PGAP2: variants seen among roughly 807,000 people sequenced by gnomAD.
PGAP2 encodes acyltransferase PGAP2.
PGAP2 carries 21 observed loss-of-function variants against 33.2 expected under a neutral mutation model. The observed-to-expected ratio is 0.63, with a 90% CI of 0.45 to 0.91. The LOEUF is 0.91. Ranked by LOEUF, PGAP2 falls within the 40% of genes least tolerant of loss-of-function variation. PGAP2 has a pLI of 0.00. For missense variants in PGAP2, 345 were observed against 424.0 expected, an observed-to-expected ratio of 0.81 and a Z score of 1.64; for synonymous variants, 161 against 172.9, an observed-to-expected ratio of 0.93 and a Z score of 0.54.
intron 3 of PGAP2, chr11:3,817,777 T>C: frequency 1.5e-6 from 1 of 651,880 alleles, no homozygotes; most frequent in Non-Finnish European, 2.8e-6. Context: ...ACGGGCGCAG[T>C]GGCTCATACC....
chr11:3,799,284 T>C (rs2083108894), intron 1 of PGAP2, among the ~76,000 whole-genome samples: 2 of 152,176 alleles, frequency 1.3e-5, no homozygotes, highest in Non-Finnish European at 2.9e-5. Flanking sequence ...ATGCCTGTAA[T>C]CCCAGCACTT....
chr11:3,816,941 T>C (rs765212307), intron 2 of PGAP2, among the ~76,000 whole-genome samples: 4 of 152,190 alleles, frequency 2.6e-5, no homozygotes, highest in Non-Finnish European at 5.9e-5. Flanking sequence ...TGTTTGATCC[T>C]GGCATAGTTC....
upstream of PGAP2, among the ~76,000 whole-genome samples, chr11:3,803,797 A>ATTT (rs3986442): frequency 9.6e-3 from 1,390 of 144,820 alleles, 9 homozygotes; most frequent in African/African-American, 0.016. Flanking sequence ...ATATATATAT[A>ATTT]TTTTTTTTTT....
rs531744625 is a variant in PGAP2 at position 3,826,182 on chromosome 11, G to A, written c.*724G>A. The A allele has an allele frequency of 6.6e-6, 1 of 152,386 alleles. No homozygotes were observed. Among genetic ancestry groups the A allele is most frequent in the African/African-American group, 2.4e-5 (1 of 41,524 alleles). The allele number at this position is 152,386 out of a possible 1,614,324, so 9.4% of individuals were successfully genotyped here. On this transcript the variant is annotated 3_prime_UTR_variant, in exon 7 of 7. Transcript: ENST00000278243. ...TATTTTCTTCTCTTCTGAAAGTTCT[G>A]GCTTGTAGACCCCTCCCCTCCTTTG...
At chr11:3,824,966 C>T (rs1380371691) in intron 5 of PGAP2, 54 bp from the exon 6 acceptor site, 1 of 1,610,026 alleles carries the variant, frequency 6.2e-7, no homozygotes, top group Non-Finnish European at 8.5e-7. Flanking sequence ...GAGAGGGGAG[C>T]CCACGCTCTC....
At chr11:3,815,104 AT>A (rs1247817993) in intron 2 of PGAP2, among the ~76,000 whole-genome samples, 2 of 151,216 alleles carry the variant, frequency 1.3e-5, no homozygotes, top group African/African-American at 4.9e-5. Flanking sequence ...TGCCTGGCTC[AT>A]TTTTTGTATT....
intron 3 of PGAP2, chr11:3,823,527 G>A: frequency 7.0e-7 from 1 of 1,436,564 alleles, no homozygotes. Flanking sequence ...TGAGGCCTTG[G>A]AACTCACCCA....
At chr11:3,820,014 G>T (rs560488587) in intron 3 of PGAP2, among the ~76,000 whole-genome samples, 14 of 152,174 alleles carry the variant, frequency 9.2e-5, no homozygotes, top group Non-Finnish European at 1.6e-4. Context: ...TTTCTCCCCA[G>T]TACCTGTTCC....
intron 1 of PGAP2, 79 bp downstream of exon 1, chr11:3,808,730 G>T: frequency 1.4e-6 from 1 of 740,180 alleles, no homozygotes; most frequent in Non-Finnish European, 1.7e-6. Context: ...CCTCTGCAGG[G>T]CCGGGCCCCA....
Position 3,825,590 on chromosome 11 carries a change from G to A in PGAP2, c.*132G>A, listed in dbSNP as rs543305090. The stretch of plus-strand genomic sequence containing the variant: ...TGGGGGAAGGGTAAGAAGGAAGGGT[G>A]TAGGCCAAGGCTCACCCCAGTGCTG... On this transcript the variant is annotated 3_prime_UTR_variant, in exon 7 of 7. Transcript: ENST00000278243. The A allele has an allele frequency of 5.4e-5, 53 of 976,212 alleles. No individual in the cohort carries two copies. The African/African-American group carries it at 8.2e-4, about 15-fold the overall frequency. The allele number at this position is 976,212 out of a possible 1,614,324, so 60.5% of individuals were successfully genotyped here.
At position 3,825,005 on chromosome 11, in the gene PGAP2, C is replaced by A. The variant is rs766741261; in HGVS notation, c.709-15C>A. On this transcript the variant is annotated splice_polypyrimidine_tract_variant and intron_variant, in intron 5 of 6. Coordinates refer to ENST00000278243, the MANE Select transcript of PGAP2 (RefSeq NM_014489.4). ...CCCAGCAAGCTGCAGAGTGATCAGA[C>A]AGCCCATTCCCTAGGATCGCAAGTC... The A allele has an allele frequency of 6.2e-7, 1 of 1,613,914 alleles. No individual in the cohort carries two copies. Among genetic ancestry groups the A allele is most frequent in the African/African-American group, 1.3e-5 (1 of 74,924 alleles).
At chr11:3,824,765 C>A in intron 5 of PGAP2, 1 of 1,412,752 alleles carries the variant, frequency 7.1e-7, no homozygotes, top group Non-Finnish European at 9.2e-7. Context: ...TGGGTGACTC[C>A]ATGTAACTTT....
At position 3,825,624 on chromosome 11, in the gene PGAP2, TC is replaced by T. The variant is rs1554944437; in HGVS notation, c.*168del. The T allele has an allele frequency of 1.8e-5, 8 of 449,026 alleles. No individual in the cohort carries two copies. The highest frequency in any genetic ancestry group is 5.7e-5 in the Admixed American group (1 of 17,520). The allele number at this position is 449,026 out of a possible 1,614,324, so 27.8% of individuals were successfully genotyped here. On this transcript the variant is annotated 3_prime_UTR_variant, in exon 7 of 7. Coordinates refer to ENST00000278243, the MANE Select transcript of PGAP2 (RefSeq NM_014489.4). The stretch of plus-strand genomic sequence containing the variant: ...GGCTCACCCCAGTGCTGCTGGCTTC[TC>T]CTCTCCACCCCTCATATGGGCGTGG...
At chr11:3,824,923 G>A (rs1229860715) in intron 5 of PGAP2, 97 bp from the exon 6 acceptor site, 3 of 1,558,560 alleles carry the variant, frequency 1.9e-6, no homozygotes, top group African/African-American at 2.7e-5. Flanking sequence ...GGGAGCCAAG[G>A]GAGATAAGGC....
At chr11:3,814,392 G>A (rs968180802) in intron 2 of PGAP2, among the ~76,000 whole-genome samples, 58 of 152,060 alleles carry the variant, frequency 3.8e-4, no homozygotes, top group Non-Finnish European at 1.8e-4. Context: ...GAGTAGCTGG[G>A]ATTACAGGTG....
chr11:3,825,230 T>C, intron 6 of PGAP2, 98 bp from the exon 7 acceptor site: 1 of 1,550,194 alleles, frequency 6.5e-7, no homozygotes, highest in Non-Finnish European at 8.9e-7. Flanking sequence ...TGCCATTGTG[T>C]TCTCTGTGGC....
At position 3,824,345 on chromosome 11, in the gene PGAP2, G is replaced by C; in HGVS notation, c.677G>C (p.Arg226Pro). 6.2e-7 allele frequency: 1 copy of C among 1,614,194 alleles called. No individual in the cohort carries two copies. Among genetic ancestry groups the C allele is most frequent in the South Asian group, 1.1e-5 (1 of 91,086 alleles). Reference sequence around the variant, plus strand: ...ATGCTCCTCACCTGCATTCTCTGGCGGTTGACCAAGAAGCACACAGTAAGT... The same window carrying C: ...ATGCTCCTCACCTGCATTCTCTGGCCGTTGACCAAGAAGCACACAGTAAGT... The part of the protein sequence containing the change: ...GHMLLTCILW[R>P]LTKKHTVSQE... The change falls in exon 5 of 7, where the codon CGG (arginine) becomes CCG (proline). Residue 226 changes from arginine to proline, a missense_variant. This residue lies in a region of PGAP2 where 311 missense variants were observed against 353.6 expected (regional missense o/e 0.88). Transcript: ENST00000278243.
chr11:3,823,054 T>TTTTTAAA, intron 3 of PGAP2: 3 of 564,914 alleles, frequency 5.3e-6, no homozygotes, highest in Non-Finnish European at 8.4e-6. Context: ...TTTTTTTTTT[T>TTTTTAAA]GAGACAGAGT....
intron 3 of PGAP2, chr11:3,822,950 G>GTGGAGA: frequency 6.5e-7 from 1 of 1,543,556 alleles, no homozygotes; most frequent in Non-Finnish European, 8.8e-7. Flanking sequence ...AAGATGGATG[G>GTGGAGA]TGGAGATGCA....
Sources: allele counts gnomAD v4.1 joint callset (sites outside exome capture counted in the v4.1 genomes callset), GRCh38; gene constraint gnomAD v4.1.1; regional missense constraint gnomAD v4.1.1; transcripts MANE v1.5; gene names NCBI Gene and HGNC (gene_info 2026-07-23, HGNC 2026-07-21).